The following DACH2 variants were observed in gnomAD, a reference collection of about 807,000 sequenced individuals.
DACH2 encodes dachshund homolog 2.
Under a neutral mutation model 35.8 loss-of-function variants are expected in DACH2, and 17 were observed. That is an observed-to-expected ratio of 0.48 (90% CI 0.33 to 0.71). The LOEUF is 0.71. DACH2 is among the 30% of genes least tolerant of loss of function. DACH2 has a pLI of 0.02. For synonymous variants in DACH2, 195 were observed against 177.3 expected, an observed-to-expected ratio of 1.10 and a Z score of -0.79; for missense variants, 469 against 472.7, an observed-to-expected ratio of 0.99 and a Z score of 0.07.
At chrX:86,155,525 G>C (rs993851680) in intron 1 of DACH2, among the ~76,000 whole-genome samples, 5 of 110,578 alleles carry the variant, frequency 4.5e-5, no homozygotes, top group African/African-American at 1.6e-4. Flanking sequence ...CATAACTACC[G>C]TACTTCATTT....
chrX:86,216,569 A>G (rs2032577513), intron 1 of DACH2, among the ~76,000 whole-genome samples: 1 of 111,625 alleles, frequency 9.0e-6, no homozygotes, highest in African/African-American at 3.3e-5. Context: ...ATAGTACAGC[A>G]TGGAGATATG....
At position 86,661,049 on chromosome X, in the gene DACH2, C is replaced by T. The variant is rs753234552; in HGVS notation, c.772+9882C>T. On this transcript the variant is annotated intron_variant, in intron 4 of 11. Transcript: ENST00000373125. ...GATATGATCAGTATATACAGTGAAC[C>T]TAGTTCATGCATTGAACTCAAGTAA... Among the ~76,000 whole-genome samples, 9 of 111,391 alleles carry T rather than the reference C, an allele frequency of 8.1e-5. No individual in the cohort carries two copies. In the South Asian group the frequency reaches 1.5e-3, roughly 19 times the overall value.
intron 7 of DACH2, among the ~76,000 whole-genome samples, chrX:86,747,128 G>A (rs1383393770): frequency 1.8e-5 from 2 of 111,240 alleles, no homozygotes; most frequent in Non-Finnish European, 3.8e-5. Flanking sequence ...AAAGACATAT[G>A]AGTCTTTTAT....
In DACH2 at chrX:86,728,781, G is replaced by A. The variant is rs187274396; in HGVS notation, c.1105-10966G>A. Among the ~76,000 whole-genome samples the A allele has an allele frequency of 3.9e-3, 440 of 112,902 alleles. 2 individuals are homozygous for A. Among genetic ancestry groups the A allele is most frequent in the Non-Finnish European group, 4.5e-3 (238 of 53,349 alleles). ...CCATATCCCTCGGCAGCTTCTGTCTGATGTTAATACTACAGACACACAGAA... is the reference window on the plus strand; with the variant it reads ...CCATATCCCTCGGCAGCTTCTGTCTAATGTTAATACTACAGACACACAGAA... On this transcript the variant is annotated intron_variant, in intron 6 of 11. Coordinates refer to ENST00000373125, the MANE Select transcript of DACH2 (RefSeq NM_053281.3).
chrX:86,774,396 T>C (rs771913564), intron 7 of DACH2, among the ~76,000 whole-genome samples: 1 of 112,036 alleles, frequency 8.9e-6, no homozygotes, highest in Non-Finnish European at 1.9e-5. Flanking sequence ...GTCATTAAGA[T>C]TTCTGTAAAA....
intron 1 of DACH2, among the ~76,000 whole-genome samples, chrX:86,265,768 T>C (rs1274104193): frequency 8.9e-6 from 1 of 111,759 alleles, no homozygotes; most frequent in Non-Finnish European, 1.9e-5. Flanking sequence ...GAGAGATTTC[T>C]TCAAAAAGGG....
intron 1 of DACH2, among the ~76,000 whole-genome samples, chrX:86,194,230 TA>T (rs2031913565): frequency 8.9e-6 from 1 of 112,046 alleles, no homozygotes; most frequent in South Asian, 3.7e-4. Flanking sequence ...ATAATGCTCA[TA>T]AGTTTGGAGA....
At chrX:86,319,938 G>T (rs1459298289) in intron 1 of DACH2, among the ~76,000 whole-genome samples, 2 of 111,716 alleles carry the variant, frequency 1.8e-5, no homozygotes, top group African/African-American at 3.3e-5. Flanking sequence ...TGGCCTGCTG[G>T]TGAGACCCTT....
chrX:86,676,411 T>C (rs2040825669), intron 4 of DACH2, among the ~76,000 whole-genome samples: 1 of 111,608 alleles, frequency 9.0e-6, no homozygotes, highest in African/African-American at 3.3e-5. Flanking sequence ...CTTTGATTTA[T>C]CTGTTCTTAC....
chrX:86,335,284 A>G (rs1346906233), intron 1 of DACH2, among the ~76,000 whole-genome samples: 1 of 111,346 alleles, frequency 9.0e-6, no homozygotes, highest in Non-Finnish European at 1.9e-5. Context: ...TTCTAATTCT[A>G]TGAAGAAACT....
chrX:86,319,880 T>A (rs2034984556), intron 1 of DACH2, among the ~76,000 whole-genome samples: 1 of 111,156 alleles, frequency 9.0e-6, no homozygotes, highest in Non-Finnish European at 1.9e-5. Context: ...CAGAAGAAGA[T>A]CCAGTAGTTA....
At chrX:86,318,339 C>T (rs2034952647) in intron 1 of DACH2, among the ~76,000 whole-genome samples, 1 of 111,246 alleles carries the variant, frequency 9.0e-6, no homozygotes, top group Non-Finnish European at 1.9e-5. Context: ...TTTTATGAGT[C>T]CTGTACATTT....
At position 86,588,363 on chromosome X, in the gene DACH2, T is replaced by C. The variant is rs957453733; in HGVS notation, c.641-62673T>C. 9.9e-5 allele frequency among the ~76,000 whole-genome samples: 11 copies of C among 111,575 alleles called. 1 individual carries two copies. The highest frequency in any genetic ancestry group is 1.9e-4 in the Non-Finnish European group (10 of 53,005). Reference sequence around the variant, plus strand: ...ATATTCAGGCTCCTATTGGGTTCAATATGAATTTTAGAATAGATTTTTCTA... The same window carrying C: ...ATATTCAGGCTCCTATTGGGTTCAACATGAATTTTAGAATAGATTTTTCTA... On this transcript the variant is annotated intron_variant, in intron 3 of 11. Coordinates refer to ENST00000373125, the MANE Select transcript of DACH2 (RefSeq NM_053281.3).
Position 86,719,036 on chromosome X carries a change from C to T in DACH2, c.1104+4316C>T, listed in dbSNP as rs111719527. ...GAAAAATGAATTTTTTTATGGATTG[C>T]GTTAAATCTGTAGATTGCTTTGCAC... On this transcript the variant is annotated intron_variant, in intron 6 of 11. Coordinates refer to ENST00000373125, the MANE Select transcript of DACH2 (RefSeq NM_053281.3). Among the ~76,000 whole-genome samples the T allele has an allele frequency of 5.1e-3, 566 of 111,674 alleles. 1 individual carries two copies. Among genetic ancestry groups the T allele is most frequent in the African/African-American group, 0.017 (522 of 30,818 alleles).
Position 86,686,482 on chromosome X carries a change from C to T in DACH2, c.773-8539C>T, listed in dbSNP as rs760590437. Among the ~76,000 whole-genome samples, 9 of 110,538 alleles carry T rather than the reference C, an allele frequency of 8.1e-5. No homozygotes were observed. In the South Asian group the frequency reaches 1.1e-3, roughly 14 times the overall value. On this transcript the variant is annotated intron_variant, in intron 4 of 11. Coordinates refer to ENST00000373125, the MANE Select transcript of DACH2 (RefSeq NM_053281.3). The stretch of plus-strand genomic sequence containing the variant: ...TCCTGACCTCGTGACCCACCCGCCT[C>T]GGCCTCCCAAAGCGCTGGGATCACA...
chrX:86,488,901 G>A (rs1038410581), intron 2 of DACH2, among the ~76,000 whole-genome samples: 3 of 110,804 alleles, frequency 2.7e-5, no homozygotes, highest in East Asian at 2.8e-4. Flanking sequence ...GTAAGTATTC[G>A]CTAACCACGA....
intron 1 of DACH2, among the ~76,000 whole-genome samples, chrX:86,232,770 G>C (rs1369897508): frequency 8.9e-6 from 1 of 112,152 alleles, no homozygotes; most frequent in Non-Finnish European, 1.9e-5. Context: ...AAGTATTGTG[G>C]AAAGCAATGT....
intron 7 of DACH2, among the ~76,000 whole-genome samples, chrX:86,788,913 C>T (rs4528022): frequency 0.3 from 32,736 of 110,230 alleles, 3,838 homozygotes; most frequent in Middle Eastern, 0.42. Context: ...ATAGGCTGGC[C>T]CTACTCCTAA....
intron 1 of DACH2, among the ~76,000 whole-genome samples, chrX:86,329,628 G>T (rs979534587): frequency 3.1e-4 from 35 of 111,112 alleles, no homozygotes; most frequent in Non-Finnish European, 2.6e-4. Context: ...CTTTGGATTT[G>T]GTGGTGGTTC....
Sources: gnomAD v4.1 joint callset for allele counts (sites outside exome capture counted in the v4.1 genomes callset) on GRCh38, gnomAD v4.1.1 for gene constraint, MANE v1.5 for transcripts, NCBI Gene and HGNC (gene_info 2026-07-23, HGNC 2026-07-21) for gene names.